Variants in ADK observed in about 807,000 individuals in gnomAD.
ADK encodes adenosine kinase, also known as N6,N6-dimethyladenosine kinase.
In ADK, 24 loss-of-function variants were observed where a neutral mutation model predicts 44.7. The observed-to-expected ratio is 0.54, with a 90% CI of 0.39 to 0.76. The LOEUF is 0.76. Among genes scored for constraint, ADK ranks in the 30% least tolerant of loss-of-function variants. The pLI, the probability that ADK is intolerant of heterozygous loss-of-function variation, is 0.00. For synonymous variants in ADK, 128 were observed against 142.6 expected (o/e 0.90, Z 0.73); for missense variants, 321 against 425.1 (o/e 0.76, Z 2.15).
intron 4 of ADK, among the ~76,000 whole-genome samples, chr10:74,354,364 C>T (rs1361512285): frequency 3.9e-5 from 6 of 152,174 alleles, no homozygotes; most frequent in South Asian, 4.1e-4. Flanking sequence ...TCTGTTACCC[C>T]TACACAATTC....
intron 3 of ADK, among the ~76,000 whole-genome samples, chr10:74,272,025 G>A (rs966114629): frequency 6.6e-6 from 1 of 152,046 alleles, no homozygotes; most frequent in Non-Finnish European, 1.5e-5. Flanking sequence ...ATATACTTAT[G>A]TTATGATGTG....
At chr10:74,466,292 T>C (rs1846355911) in intron 6 of ADK, among the ~76,000 whole-genome samples, 1 of 152,230 alleles carries the variant, frequency 6.6e-6, no homozygotes, top group Non-Finnish European at 1.5e-5. Flanking sequence ...TGTGTAAGCA[T>C]GCTATGATTT....
chr10:74,468,155 A>G (rs1846427863), intron 6 of ADK, among the ~76,000 whole-genome samples: 1 of 152,212 alleles, frequency 6.6e-6, no homozygotes, highest in Non-Finnish European at 1.5e-5. Context: ...TAGTATTAAA[A>G]GGCCCTTAGG....
At chr10:74,451,067 C>CTTTTTTTT (rs35120068) in intron 6 of ADK, among the ~76,000 whole-genome samples, 317 of 72,166 alleles carry the variant, frequency 4.4e-3, no homozygotes, top group Middle Eastern at 0.013. Flanking sequence ...GCTCTGCTGC[C>CTTTTTTTT]TTTTTTTTTT....
intron 9 of ADK, among the ~76,000 whole-genome samples, chr10:74,619,122 C>T (rs1769864313): frequency 6.8e-6 from 1 of 147,744 alleles, no homozygotes; most frequent in African/African-American, 2.5e-5. Context: ...CATTTAGTTC[C>T]CTGATTCTCT....
intron 6 of ADK, among the ~76,000 whole-genome samples, chr10:74,484,167 A>G (rs754990986): frequency 1.3e-5 from 2 of 152,186 alleles, no homozygotes; most frequent in Non-Finnish European, 1.5e-5. Flanking sequence ...CGCAGGCTCT[A>G]CAGGACATAT....
At chr10:74,476,136 C>T (rs1312445142) in intron 6 of ADK, among the ~76,000 whole-genome samples, 1 of 152,110 alleles carries the variant, frequency 6.6e-6, no homozygotes, top group Non-Finnish European at 1.5e-5. Flanking sequence ...AGTGAGAAAG[C>T]TGGCTCTGAT....
At chr10:74,667,409 A>G (rs1193633665) in intron 9 of ADK, among the ~76,000 whole-genome samples, 3 of 151,976 alleles carry the variant, frequency 2.0e-5, no homozygotes, top group Admixed American at 2.0e-4. Context: ...TCATATGAAA[A>G]CTAAGGATAA....
intron 3 of ADK, 130 bp downstream of exon 3, chr10:74,224,721 A>G (rs1385097248): frequency 2.8e-5 from 21 of 745,244 alleles, no homozygotes; most frequent in Non-Finnish European, 4.7e-5. Flanking sequence ...CCTTAATCCT[A>G]ACAATTATGA....
intron 7 of ADK, chr10:74,527,805 G>A (rs563107927): frequency 4.1e-6 from 6 of 1,476,866 alleles, no homozygotes; most frequent in Admixed American, 3.3e-5. Context: ...ATACTTCAGC[G>A]ATCCTTAATA....
chr10:74,670,603 TTTGTTCTTTAAAACAAG>T (rs1434625271), intron 10 of ADK, among the ~76,000 whole-genome samples: 1 of 152,234 alleles, frequency 6.6e-6, no homozygotes, highest in Non-Finnish European at 1.5e-5. Flanking sequence ...TTAACACATT[TTTGTTCTTTAAAACAAG>T]TTGTGATGAA....
chr10:74,280,234 C>G (rs1846873531), intron 3 of ADK, among the ~76,000 whole-genome samples: 1 of 152,058 alleles, frequency 6.6e-6, no homozygotes, highest in African/African-American at 2.4e-5. Context: ...TCCCAAGTAG[C>G]TGGGACTACA....
intron 4 of ADK, among the ~76,000 whole-genome samples, chr10:74,375,642 A>G (rs1482076938): frequency 1.3e-5 from 2 of 152,022 alleles, no homozygotes; most frequent in Non-Finnish European, 2.9e-5. Context: ...CCAGAATGGC[A>G]AGAGCCATTT....
intron 6 of ADK, among the ~76,000 whole-genome samples, chr10:74,488,623 T>C (rs1414506343): frequency 2.6e-5 from 2 of 77,136 alleles, no homozygotes; most frequent in Non-Finnish European, 3.0e-5. Flanking sequence ...TTTATGTAGA[T>C]AGCAGGATTA....
At chr10:74,303,585 GTTGTTTTTTTTTTTTT>G (rs1235998614) in intron 3 of ADK, among the ~76,000 whole-genome samples, 20 of 64,676 alleles carry the variant, frequency 3.1e-4, no homozygotes, top group Admixed American at 6.3e-4. Flanking sequence ...TGGTTTTAAT[GTTGTTTTTTTTTTTTT>G]TTTTTTTTTT....
chr10:74,265,732 A>G (rs1846190678), intron 3 of ADK, among the ~76,000 whole-genome samples: 1 of 152,160 alleles, frequency 6.6e-6, no homozygotes, highest in Non-Finnish European at 1.5e-5. Flanking sequence ...TAACTGATTC[A>G]TTTACCACCA....
chr10:74,378,052 T>C (rs1842867120), intron 4 of ADK, among the ~76,000 whole-genome samples: 1 of 145,660 alleles, frequency 6.9e-6, no homozygotes, highest in African/African-American at 2.5e-5. Context: ...TGTGCCTCAG[T>C]TTTTTTTTTT....
intron 4 of ADK, among the ~76,000 whole-genome samples, chr10:74,380,969 G>C (rs181895836): frequency 4.1e-4 from 62 of 152,206 alleles, no homozygotes; most frequent in African/African-American, 1.3e-3. Context: ...AGAAATCTAT[G>C]GTGTGAGTTC....
chr10:74,282,751 A>T (rs1846992435), intron 3 of ADK, among the ~76,000 whole-genome samples: 1 of 152,150 alleles, frequency 6.6e-6, no homozygotes, highest in African/African-American at 2.4e-5. Context: ...CCTTACCAGA[A>T]CCTTTAGAAT....
Sources: gnomAD v4.1 joint callset for allele counts (sites outside exome capture counted in the v4.1 genomes callset) on GRCh38, gnomAD v4.1.1 for gene constraint, MANE v1.5 for transcripts, NCBI Gene and HGNC (gene_info 2026-07-23, HGNC 2026-07-21) for gene names.